The following PABPC4L variants were observed in gnomAD, a reference collection of about 807,000 sequenced individuals.
PABPC4L encodes poly(A) binding protein cytoplasmic 4 like, also known as polyadenylate-binding protein 4-like.
For missense variants in PABPC4L, 452 were observed against 451.4 expected, an observed-to-expected ratio of 1.00 and a Z score of -0.01; for synonymous variants, 169 against 164.1, an observed-to-expected ratio of 1.03 and a Z score of -0.23.
chr4:134,094,476 T>A, the PABPC4L span, among the ~76,000 whole-genome samples: 77 of 152,092 alleles, frequency 5.1e-4, no homozygotes, highest in Non-Finnish European at 4.4e-5. Flanking sequence ...CCAAGTAATA[T>A]AGCATAGCAA....
chr4:134,187,569 G>C, the PABPC4L span, among the ~76,000 whole-genome samples: 1 of 150,234 alleles, frequency 6.7e-6, no homozygotes, highest in African/African-American at 2.4e-5. Flanking sequence ...AGGAGGGATA[G>C]CATTAGGAGA....
At chr4:133,993,533 C>A in the PABPC4L span, among the ~76,000 whole-genome samples, 2 of 152,090 alleles carry the variant, frequency 1.3e-5, no homozygotes, top group Admixed American at 6.6e-5. Flanking sequence ...TCTAAGTTTT[C>A]CAAATTCAGG....
the PABPC4L span, among the ~76,000 whole-genome samples, chr4:134,072,996 G>T: frequency 6.6e-6 from 1 of 152,034 alleles, no homozygotes; most frequent in East Asian, 1.9e-4. Flanking sequence ...ATGAGATTTC[G>T]GTGGGGACAC....
At chr4:134,176,393 G>T in the PABPC4L span, among the ~76,000 whole-genome samples, 5 of 152,094 alleles carry the variant, frequency 3.3e-5, no homozygotes, top group Non-Finnish European at 7.4e-5. Flanking sequence ...GCTTATCCCC[G>T]TAATCCCAGC....
chr4:134,073,878 G>A, the PABPC4L span, among the ~76,000 whole-genome samples: 2 of 152,140 alleles, frequency 1.3e-5, no homozygotes, highest in Non-Finnish European at 2.9e-5. Context: ...TTAATAGCTG[G>A]GATGCAGGGC....
At chr4:134,104,342 C>T in the PABPC4L span, among the ~76,000 whole-genome samples, 31 of 151,670 alleles carry the variant, frequency 2.0e-4, no homozygotes, top group Non-Finnish European at 3.7e-4. Flanking sequence ...GCAGTGACTC[C>T]TTGGCAGTCA....
the PABPC4L span, among the ~76,000 whole-genome samples, chr4:133,981,906 TTAAC>T: frequency 2.3e-3 from 343 of 152,110 alleles, 2 homozygotes; most frequent in South Asian, 0.012. Flanking sequence ...ATTATTAACT[TTAAC>T]TGACTTGGAA....
At chr4:134,020,342 G>T in the PABPC4L span, among the ~76,000 whole-genome samples, 1 of 152,110 alleles carries the variant, frequency 6.6e-6, no homozygotes, top group African/African-American at 2.4e-5. Context: ...ACAAGGGTTT[G>T]TGATGAAGGA....
At chr4:134,029,767 T>A in the PABPC4L span, among the ~76,000 whole-genome samples, 117 of 152,100 alleles carry the variant, frequency 7.7e-4, 1 homozygote, top group East Asian at 0.012. Flanking sequence ...GTATTTTTTT[T>A]AATTTTGAAA....
the PABPC4L span, among the ~76,000 whole-genome samples, chr4:134,143,317 TA>T: frequency 6.7e-6 from 1 of 150,148 alleles, no homozygotes; most frequent in Admixed American, 6.7e-5. Flanking sequence ...TAATATTTAC[TA>T]TATTAACTAT....
the PABPC4L span, among the ~76,000 whole-genome samples, chr4:134,141,033 T>C: frequency 3.3e-5 from 5 of 151,836 alleles, no homozygotes; most frequent in African/African-American, 1.2e-4. Context: ...GTGCAAATTT[T>C]ATTCATGAGG....
At chr4:134,067,692 T>C in the PABPC4L span, among the ~76,000 whole-genome samples, 1 of 152,090 alleles carries the variant, frequency 6.6e-6, no homozygotes, top group Non-Finnish European at 1.5e-5. Flanking sequence ...CTTAACCACC[T>C]TAGTAATGTC....
At chr4:134,173,846 G>T in the PABPC4L span, among the ~76,000 whole-genome samples, 1 of 151,968 alleles carries the variant, frequency 6.6e-6, no homozygotes, top group African/African-American at 2.4e-5. Flanking sequence ...GATAATGATT[G>T]TATATCCATA....
chr4:134,170,611 A>G, the PABPC4L span, among the ~76,000 whole-genome samples: 1 of 152,070 alleles, frequency 6.6e-6, no homozygotes, highest in South Asian at 2.1e-4. Flanking sequence ...GCCAGATACA[A>G]TGAGGGAGGA....
the PABPC4L span, among the ~76,000 whole-genome samples, chr4:134,155,798 C>A: frequency 6.6e-6 from 1 of 152,030 alleles, no homozygotes; most frequent in East Asian, 1.9e-4. Flanking sequence ...AATTTCTACA[C>A]TAAAAGTCAA....
chr4:134,120,640 G>T, the PABPC4L span, among the ~76,000 whole-genome samples: 1 of 151,098 alleles, frequency 6.6e-6, no homozygotes, highest in East Asian at 1.9e-4. Context: ...GTTCCTTCAA[G>T]ATTTTAAACA....
the PABPC4L span, among the ~76,000 whole-genome samples, chr4:133,949,318 G>C: frequency 6.6e-6 from 1 of 152,088 alleles, no homozygotes; most frequent in Non-Finnish European, 1.5e-5. Flanking sequence ...AAGGTGACTT[G>C]GCAGGCATCA....
At chr4:134,028,418 G>C in the PABPC4L span, among the ~76,000 whole-genome samples, 3 of 141,510 alleles carry the variant, frequency 2.1e-5, no homozygotes, top group South Asian at 7.0e-4. Flanking sequence ...AAAGTCCATG[G>C]GCTTCCTGAA....
the PABPC4L span, among the ~76,000 whole-genome samples, chr4:133,951,915 T>A: frequency 6.6e-6 from 1 of 152,194 alleles, no homozygotes. Context: ...TCTCTTTGTC[T>A]TAGGCAAGGG....
Sources: gnomAD v4.1 joint callset for allele counts (sites outside exome capture counted in the v4.1 genomes callset) on GRCh38, gnomAD v4.1.1 for gene constraint, MANE v1.5 for transcripts, NCBI Gene and HGNC (gene_info 2026-07-23, HGNC 2026-07-21) for gene names.